Variants in VEPH1 observed in about 807,000 individuals in gnomAD.
VEPH1 encodes the protein ventricular zone-expressed PH domain-containing protein homolog 1.
A neutral mutation model predicts 85.2 loss-of-function variants in VEPH1; 80 were observed. That is an observed-to-expected ratio of 0.94 (90% CI 0.78 to 1.13). VEPH1 has a LOEUF of 1.13. Ranked by LOEUF, VEPH1 falls within the 50% of genes most tolerant of loss-of-function variation. VEPH1 has a pLI of 0.00. For synonymous variants in VEPH1, 297 were observed against 348.0 expected (o/e 0.85, Z 1.63); for missense variants, 955 against 980.5 (o/e 0.97, Z 0.35).
intron 4 of VEPH1, chr3:157,437,961 G>T: frequency 6.6e-7 from 1 of 1,512,140 alleles, no homozygotes; most frequent in Non-Finnish European, 8.8e-7. Context: ...GCTTTGTTCC[G>T]GGAGCGCGCG....
At chr3:157,464,551 C>T (rs758000959) in intron 3 of VEPH1, among the ~76,000 whole-genome samples, 8 of 152,110 alleles carry the variant, frequency 5.3e-5, no homozygotes, top group Non-Finnish European at 5.9e-5. Flanking sequence ...ACAAATTCAG[C>T]GAAGTGCAGC....
At chr3:157,378,324 A>ATG (rs1728375143) in intron 7 of VEPH1, among the ~76,000 whole-genome samples, 1 of 20,720 alleles carries the variant, frequency 4.8e-5, no homozygotes, top group Non-Finnish European at 1.1e-4. Context: ...ATATATATAT[A>ATG]TATATATATA....
At chr3:157,355,147 C>T (rs1194162145) in intron 9 of VEPH1, among the ~76,000 whole-genome samples, 1 of 152,194 alleles carries the variant, frequency 6.6e-6, no homozygotes, top group African/African-American at 2.4e-5. Context: ...CAGATTAGGG[C>T]AGATTCCATG....
At chr3:157,460,034 T>TGC in intron 4 of VEPH1, 147 bp downstream of exon 4, 1 of 1,572,350 alleles carries the variant, frequency 6.4e-7, no homozygotes, top group Non-Finnish European at 8.6e-7. Context: ...ACCTTTTGCA[T>TGC]GTTCACAGGT....
intron 6 of VEPH1, chr3:157,409,542 C>G: frequency 1.2e-6 from 1 of 859,598 alleles, no homozygotes; most frequent in Non-Finnish European, 1.4e-6. Flanking sequence ...AAAAAGATTT[C>G]TGAGTTAATC....
intron 12 of VEPH1, among the ~76,000 whole-genome samples, chr3:157,273,683 A>G (rs898833464): frequency 6.6e-6 from 1 of 152,204 alleles, no homozygotes; most frequent in Non-Finnish European, 1.5e-5. Flanking sequence ...AGAGAGACCA[A>G]TCCTAAAGAG....
At chr3:157,473,095 T>C (rs1243112588) in intron 2 of VEPH1, among the ~76,000 whole-genome samples, 10 of 137,212 alleles carry the variant, frequency 7.3e-5, no homozygotes, top group African/African-American at 3.0e-4. Flanking sequence ...TTTTTTTTGA[T>C]GGAGTCTCAC....
chr3:157,285,912 AAT>A (rs1223661731), intron 12 of VEPH1, among the ~76,000 whole-genome samples: 1 of 152,162 alleles, frequency 6.6e-6, no homozygotes, highest in Middle Eastern at 3.2e-3. Context: ...AAGCAGAGAT[AAT>A]GTCAGTATTT....
intron 6 of VEPH1, among the ~76,000 whole-genome samples, chr3:157,402,182 G>A (rs1730834574): frequency 6.6e-6 from 1 of 152,162 alleles, no homozygotes; most frequent in Non-Finnish European, 1.5e-5. Flanking sequence ...TAAGATGAGG[G>A]AAGGTAGAAT....
At chr3:157,316,658 T>G (rs1279654555) in intron 10 of VEPH1, among the ~76,000 whole-genome samples, 1 of 151,938 alleles carries the variant, frequency 6.6e-6, no homozygotes, top group Non-Finnish European at 1.5e-5. Flanking sequence ...AAAAGAGACA[T>G]TCCAGTATCT....
At chr3:157,458,126 C>G (rs1359231479) in intron 4 of VEPH1, among the ~76,000 whole-genome samples, 1 of 152,140 alleles carries the variant, frequency 6.6e-6, no homozygotes, top group East Asian at 1.9e-4. Flanking sequence ...TTAGTTTCCT[C>G]TAGATTTTCT....
At chr3:157,440,093 AT>A (rs1293757385) in intron 4 of VEPH1, among the ~76,000 whole-genome samples, 2 of 152,128 alleles carry the variant, frequency 1.3e-5, no homozygotes, top group Non-Finnish European at 2.9e-5. Flanking sequence ...GGATATGGTG[AT>A]TTTTTTCAGT....
chr3:157,411,176 C>T lies in VEPH1; in HGVS notation c.906+2705G>A, dbSNP rs1731503456. The stretch of plus-strand genomic sequence containing the variant: ...ACAGAAGCTATTGCTTTCTGGTGCA[C>T]TCAGGAATGGTAGAGCAATAAGGTA... On this transcript the variant is annotated intron_variant, in intron 6 of 13. Coordinates refer to ENST00000362010, the MANE Select transcript of VEPH1 (RefSeq NM_001167912.2). Among the ~76,000 whole-genome samples, 4 of 152,236 alleles carry T rather than the reference C, an allele frequency of 2.6e-5. No individual in the cohort carries two copies. The South Asian group carries it at 8.3e-4, about 32-fold the overall frequency.
At chr3:157,455,063 G>A (rs1346437367) in intron 4 of VEPH1, among the ~76,000 whole-genome samples, 4 of 152,132 alleles carry the variant, frequency 2.6e-5, no homozygotes, top group Non-Finnish European at 5.9e-5. Flanking sequence ...ATGAGTACAT[G>A]TGTCTTTTTG....
At chr3:157,429,763 CA>C in intron 4 of VEPH1, among the ~76,000 whole-genome samples, 1 of 152,136 alleles carries the variant, frequency 6.6e-6, no homozygotes, top group Admixed American at 6.5e-5. Context: ...ATGCAATACC[CA>C]ATTTGTAAAG....
chr3:157,449,842 TAC>T (rs1386347614), intron 4 of VEPH1, among the ~76,000 whole-genome samples: 1 of 151,998 alleles, frequency 6.6e-6, no homozygotes, highest in African/African-American at 2.4e-5. Context: ...TTGCTTTCAA[TAC>T]ACTTTTATAA....
intron 6 of VEPH1, among the ~76,000 whole-genome samples, chr3:157,392,157 A>C (rs1389684002): frequency 6.6e-6 from 1 of 152,214 alleles, no homozygotes; most frequent in Non-Finnish European, 1.5e-5. Flanking sequence ...ATAGCCTGCA[A>C]CCACACAATA....
At chr3:157,310,867 C>T (rs1251843086) in intron 11 of VEPH1, among the ~76,000 whole-genome samples, 1 of 152,126 alleles carries the variant, frequency 6.6e-6, no homozygotes, top group African/African-American at 2.4e-5. Context: ...CATGGCCAGC[C>T]TTGCTTCAGT....
intron 6 of VEPH1, among the ~76,000 whole-genome samples, chr3:157,412,021 T>C (rs2109025845): frequency 6.6e-6 from 1 of 152,210 alleles, no homozygotes; most frequent in East Asian, 1.9e-4. Context: ...AGTGAGTGAG[T>C]GCTCATGAGA....
Sources: gnomAD v4.1 joint callset for allele counts (sites outside exome capture counted in the v4.1 genomes callset) on GRCh38, gnomAD v4.1.1 for gene constraint, MANE v1.5 for transcripts, NCBI Gene and HGNC (gene_info 2026-07-23, HGNC 2026-07-21) for gene names.